Variants in CCDC169 observed in about 807,000 individuals in gnomAD.
The protein encoded by CCDC169 is coiled-coil domain-containing protein 169.
Under a neutral mutation model 36.0 loss-of-function variants are expected in CCDC169, and 30 were observed. That is an observed-to-expected ratio of 0.83 (90% CI 0.62 to 1.13). The LOEUF is 1.13. CCDC169 is among the 50% of genes most tolerant of loss of function. The pLI is 0.00. For synonymous variants in CCDC169, 85 were observed against 81.5 expected (o/e 1.04, Z -0.23); for missense variants, 245 against 245.9 (o/e 1.00, Z 0.03).
intron 2 of CCDC169, among the ~76,000 whole-genome samples, chr13:36,293,154 T>A (rs1879110894): frequency 6.6e-6 from 1 of 152,204 alleles, no homozygotes; most frequent in African/African-American, 2.4e-5. Context: ...AATGTACCCC[T>A]ATTTGTCACA....
chr13:36,296,161 G>A (rs1031641592), intron 1 of CCDC169, among the ~76,000 whole-genome samples: 5 of 152,060 alleles, frequency 3.3e-5, no homozygotes, highest in Non-Finnish European at 2.9e-5. Context: ...GTGCAAACTC[G>A]GCTCACTGCA....
chr13:36,292,686 T>C (rs1270272147), intron 2 of CCDC169, among the ~76,000 whole-genome samples: 1 of 152,108 alleles, frequency 6.6e-6, no homozygotes, highest in Non-Finnish European at 1.5e-5. Flanking sequence ...TTGCTGTAAA[T>C]GGGGCAGGGA....
chr13:36,269,759 T>C (rs898507771), intron 4 of CCDC169, among the ~76,000 whole-genome samples: 8 of 152,104 alleles, frequency 5.3e-5, no homozygotes, highest in Non-Finnish European at 1.2e-4. Context: ...AAACTAGACA[T>C]AGAAGGGACT....
intron 4 of CCDC169, among the ~76,000 whole-genome samples, chr13:36,262,837 C>T (rs1874763904): frequency 6.6e-6 from 1 of 152,094 alleles, no homozygotes; most frequent in Non-Finnish European, 1.5e-5. Flanking sequence ...CTAAGAGATA[C>T]TGTGGTTGGC....
At chr13:36,262,315 G>C (rs1874705433) in intron 4 of CCDC169, among the ~76,000 whole-genome samples, 1 of 152,082 alleles carries the variant, frequency 6.6e-6, no homozygotes, top group African/African-American at 2.4e-5. Flanking sequence ...AATGCTATTT[G>C]AACTGTACCA....
At chr13:36,290,389 A>G (rs537975807) in intron 2 of CCDC169, among the ~76,000 whole-genome samples, 12 of 152,356 alleles carry the variant, frequency 7.9e-5, no homozygotes, top group Non-Finnish European at 1.3e-4. Flanking sequence ...TTAGCTACCT[A>G]TAAGTTTCCT....
At chr13:36,228,245 T>G (rs1870061171), downstream of CCDC169, among the ~76,000 whole-genome samples, 1 of 152,192 alleles carries the variant, frequency 6.6e-6, no homozygotes, top group Admixed American at 6.6e-5. Flanking sequence ...CTGACAGTTT[T>G]CCAAAGTGGC....
intron 7 of CCDC169, among the ~76,000 whole-genome samples, chr13:36,238,097 G>T (rs1478491043): frequency 6.6e-6 from 1 of 152,104 alleles, no homozygotes; most frequent in Non-Finnish European, 1.5e-5. Flanking sequence ...AAAACAGAAA[G>T]CAGATTAGTA....
At chr13:36,227,646 A>G (rs1021385381), downstream of CCDC169, among the ~76,000 whole-genome samples, 11 of 152,252 alleles carry the variant, frequency 7.2e-5, no homozygotes, top group Non-Finnish European at 1.3e-4. Context: ...ATGTATATTT[A>G]ACATTTTTAC....
At chr13:36,289,467 C>CT (rs1878617239) in intron 2 of CCDC169, among the ~76,000 whole-genome samples, 2 of 152,202 alleles carry the variant, frequency 1.3e-5, no homozygotes, top group South Asian at 4.1e-4. Flanking sequence ...CATGCAGTTA[C>CT]TAAGAACTAT....
chr13:36,244,079 AT>A (rs1426174678), intron 7 of CCDC169, among the ~76,000 whole-genome samples: 1 of 152,226 alleles, frequency 6.6e-6, no homozygotes, highest in Non-Finnish European at 1.5e-5. Flanking sequence ...GAATTGGAAA[AT>A]AAACCTGAAC....
intron 2 of CCDC169, among the ~76,000 whole-genome samples, chr13:36,285,618 G>GATACATACATACATAC (rs374083543): frequency 1.3e-3 from 168 of 133,594 alleles, no homozygotes; most frequent in African/African-American, 4.7e-3. Context: ...TAGATAGATA[G>GATACATACATACATAC]ATACATAGAT....
chr13:36,238,797 C>A (rs1348188027), intron 7 of CCDC169, among the ~76,000 whole-genome samples: 4 of 152,138 alleles, frequency 2.6e-5, no homozygotes, highest in Admixed American at 6.6e-5. Flanking sequence ...GATATTTAAT[C>A]ACTGTCTTTT....
intron 2 of CCDC169, among the ~76,000 whole-genome samples, chr13:36,289,654 T>G (rs142808221): frequency 1.2e-3 from 176 of 152,364 alleles, no homozygotes; most frequent in African/African-American, 4.1e-3. Context: ...GAAACAACAT[T>G]TTACTTTTTA....
At chr13:36,259,986 G>GGAGGT (rs1478935445) in intron 4 of CCDC169, among the ~76,000 whole-genome samples, 2 of 152,252 alleles carry the variant, frequency 1.3e-5, no homozygotes, top group African/African-American at 4.8e-5. Context: ...CTGCTCCAAT[G>GGAGGT]GAGGTGCCTC....
downstream of CCDC169, among the ~76,000 whole-genome samples, chr13:36,230,161 T>C (rs952196141): frequency 2.0e-5 from 3 of 152,220 alleles, no homozygotes; most frequent in Non-Finnish European, 4.4e-5. Context: ...TTACTGGTGA[T>C]ACATAATAGA....
rs1870335295 is a variant in CCDC169, at chr13:36,230,804, A to G, written c.*389T>C. ...TTTGTTTAAACCTGCAATTTAAAAA[A>G]CTGAGCAAGATCCAGCCCAAAATGG... On this transcript the variant is annotated 3_prime_UTR_variant, in exon 8 of 8. Coordinates refer to ENST00000239859, the MANE Select transcript of CCDC169 (RefSeq NM_001144981.3). 1.0e-6 allele frequency: 1 copy of G among 988,160 alleles called. No homozygotes were observed. Among genetic ancestry groups the G allele is most frequent in the African/African-American group, 1.7e-5 (1 of 57,296 alleles). The allele number at this position is 988,160 out of a possible 1,614,324, so 61.2% of individuals were successfully genotyped here.
At chr13:36,255,502 A>C (rs1873753135) in intron 4 of CCDC169, among the ~76,000 whole-genome samples, 1 of 152,204 alleles carries the variant, frequency 6.6e-6, no homozygotes, top group Non-Finnish European at 1.5e-5. Context: ...GTCTGCACTA[A>C]AAATACAAAA....
intron 2 of CCDC169, among the ~76,000 whole-genome samples, chr13:36,285,116 A>G (rs745389579): frequency 2.2e-4 from 34 of 152,232 alleles, no homozygotes; most frequent in Non-Finnish European, 4.0e-4. Context: ...GATTCTTCAG[A>G]GCAAGATGAG....
Sources: gnomAD v4.1 joint callset for allele counts (sites outside exome capture counted in the v4.1 genomes callset) on GRCh38, gnomAD v4.1.1 for gene constraint, MANE v1.5 for transcripts, NCBI Gene and HGNC (gene_info 2026-07-23, HGNC 2026-07-21) for gene names.